Variants in CORO2B observed in about 807,000 individuals in gnomAD.
CORO2B encodes the protein coronin 2B.
CORO2B carries 26 observed loss-of-function variants against 58.8 expected under a neutral mutation model. The ratio of observed to expected loss-of-function variants is 0.44; its 90% CI spans 0.32 to 0.61. The LOEUF (loss-of-function observed/expected upper bound fraction) is 0.61, where lower values mean the gene tolerates loss of function less well. Among genes scored for constraint, CORO2B ranks in the 20% least tolerant of loss-of-function variants. The pLI is 0.04. For synonymous variants in CORO2B, 242 were observed against 253.8 expected, an observed-to-expected ratio of 0.95 and a Z score of 0.44; for missense variants, 460 against 645.1, an observed-to-expected ratio of 0.71 and a Z score of 3.11.
chr15:68,673,835 T>TAA lies in CORO2B; in HGVS notation c.217-21283_217-21282dup, dbSNP rs10579845. On this transcript the variant is annotated intron_variant, in intron 2 of 11. Coordinates refer to ENST00000261861, the MANE Select transcript of CORO2B (RefSeq NM_006091.5). ...CTGGGCAACAGAGCGAGACTCCGTC[T>TAA]AAAAAAAAAAAAAAAAAAAAAAAGG... 8.0e-4 allele frequency among the ~76,000 whole-genome samples: 74 copies of TAA among 92,694 alleles called. 1 individual carries two copies. The highest frequency in any genetic ancestry group is 3.0e-3 in the African/African-American group (73 of 24,178). 60.8% of individuals were successfully genotyped at this position (92,694 alleles called of 152,430 possible). A position where few individuals can be genotyped will look rare whatever the true frequency, so the allele number is the denominator to read the frequency against.
In CORO2B at chr15:68,656,407, G is replaced by A. The variant is rs535415760; in HGVS notation, c.216+11047G>A. ...CCTGAGTTTCCAAGTGGGTCGTCAG[G>A]TGAGCATGAGAGGTGGAAGGTATGG... is the stretch of plus-strand genomic sequence containing the variant. On this transcript the variant is annotated intron_variant, in intron 2 of 11. Transcript: ENST00000261861. 3.9e-5 allele frequency among the ~76,000 whole-genome samples: 6 copies of A among 152,080 alleles called. No individual in the cohort carries two copies. In the South Asian group the frequency reaches 1.2e-3, roughly 32 times the overall value.
At chr15:68,675,119 A>G (rs1415290922) in intron 2 of CORO2B, among the ~76,000 whole-genome samples, 3 of 152,204 alleles carry the variant, frequency 2.0e-5, no homozygotes, top group African/African-American at 7.2e-5. Flanking sequence ...TCCGTGAGCC[A>G]CACTGAAATT....
intron 3 of CORO2B, among the ~76,000 whole-genome samples, chr15:68,709,718 A>G (rs75030787): frequency 1.4e-4 from 22 of 152,032 alleles, no homozygotes; most frequent in Non-Finnish European, 1.9e-4. Flanking sequence ...CCTAAATTAT[A>G]GTCACATGTG....
chr15:68,522,597 G>A, the CORO2B span, among the ~76,000 whole-genome samples: 23 of 152,114 alleles, frequency 1.5e-4, no homozygotes, highest in African/African-American at 2.7e-4. Context: ...TTACAGGTGC[G>A]TGCCACCATG....
In CORO2B at chr15:68,710,256, C is replaced by A. The variant is rs934149314; in HGVS notation, c.334-476C>A. 6.6e-6 allele frequency among the ~76,000 whole-genome samples: 1 copy of A among 152,218 alleles called. No individual in the cohort carries two copies. The highest frequency in any genetic ancestry group is 2.4e-5 in the African/African-American group (1 of 41,450). Reference sequence around the variant, plus strand: ...GCCCCTCAGCCTCCCAGATGCAGTTCCCCCTGCCCAGGGGTCCATCCTGGG... The same window carrying A: ...GCCCCTCAGCCTCCCAGATGCAGTTACCCCTGCCCAGGGGTCCATCCTGGG... On this transcript the variant is annotated intron_variant, in intron 3 of 11. Transcript: ENST00000261861. This position sits in a 1 kb window ranked among gnomAD's most constrained non-coding sequence, Gnocchi z 4.1.
rs1899719166 is a variant in CORO2B at position 68,592,000 on chromosome 15, G to T, written c.15+12723G>T. On this transcript the variant is annotated intron_variant, in intron 1 of 11. Coordinates refer to ENST00000261861, the MANE Select transcript of CORO2B (RefSeq NM_006091.5). ...TGCCTCACCTGGTTTGAGGCTGGGT[G>T]CAGAAGTGAGCTTCTGGATGCGAGT... Among the ~76,000 whole-genome samples, 3 of 152,172 alleles carry T rather than the reference G, an allele frequency of 2.0e-5. No individual in the cohort carries two copies. In the South Asian group the frequency reaches 6.2e-4, roughly 32 times the overall value.
intron 2 of CORO2B, among the ~76,000 whole-genome samples, chr15:68,669,660 AAT>A: frequency 6.6e-6 from 1 of 152,288 alleles, no homozygotes; most frequent in South Asian, 2.1e-4. Context: ...ACTTTCTAAA[AAT>A]ATCAATCCAA....
At chr15:68,612,784 T>C (rs1900273197) in intron 1 of CORO2B, among the ~76,000 whole-genome samples, 2 of 152,224 alleles carry the variant, frequency 1.3e-5, no homozygotes, top group African/African-American at 4.8e-5. Context: ...CAGGAAGATC[T>C]TTAGGATTCC....
At chr15:68,542,035 T>C in the CORO2B span, among the ~76,000 whole-genome samples, 3 of 152,236 alleles carry the variant, frequency 2.0e-5, no homozygotes, top group Non-Finnish European at 4.4e-5. Context: ...TCACAGGGAC[T>C]GTCTCATTTG....
intron 3 of CORO2B, among the ~76,000 whole-genome samples, chr15:68,705,268 T>G (rs758173625): frequency 7.2e-5 from 11 of 151,980 alleles, no homozygotes; most frequent in Admixed American, 1.3e-4. Flanking sequence ...CGAAACCTTA[T>G]CTCTACTAAA....
rs1266395838 is a variant in CORO2B at position 68,705,656 on chromosome 15, G to A, written c.334-5076G>A. Among the ~76,000 whole-genome samples, 5 of 152,092 alleles carry A rather than the reference G, an allele frequency of 3.3e-5. No homozygotes were observed. In the East Asian group the frequency reaches 7.7e-4, roughly 23 times the overall value. ...TTCCATCTGTAGCCCTTCATTCCATGAGACTTGAATCCAGTTAAGGGGCTG... is the reference window on the plus strand; with the variant it reads ...TTCCATCTGTAGCCCTTCATTCCATAAGACTTGAATCCAGTTAAGGGGCTG... On this transcript the variant is annotated intron_variant, in intron 3 of 11. Transcript: ENST00000261861.
At chr15:68,651,932 A>G (rs572763165) in intron 2 of CORO2B, among the ~76,000 whole-genome samples, 99 of 152,302 alleles carry the variant, frequency 6.5e-4, no homozygotes, top group Admixed American at 4.8e-3. Context: ...GTCTACAACA[A>G]CTACAAACAA....
rs532789117 is a variant in CORO2B, at chr15:68,634,484, T to A, written c.16-10676T>A. Among the ~76,000 whole-genome samples, 8 of 152,300 alleles carry A rather than the reference T, an allele frequency of 5.3e-5. No individual in the cohort carries two copies. In the East Asian group the frequency reaches 1.5e-3, roughly 29 times the overall value. ...TAACTATCCTAGGAAAAATATGAAT[T>A]ATATCCATTTTTCTGATGGAGGAAC... On this transcript the variant is annotated intron_variant, in intron 1 of 11. Coordinates refer to ENST00000261861, the MANE Select transcript of CORO2B (RefSeq NM_006091.5).
intron 2 of CORO2B, among the ~76,000 whole-genome samples, chr15:68,657,506 A>T (rs1901845663): frequency 6.9e-6 from 1 of 144,360 alleles, no homozygotes; most frequent in Non-Finnish European, 1.5e-5. Flanking sequence ...TGACAAAATG[A>T]GATCCTGTCT....
chr15:68,616,686 A>G (rs1900368401), intron 1 of CORO2B: 7 of 901,726 alleles, frequency 7.8e-6, no homozygotes, highest in East Asian at 1.2e-4. Flanking sequence ...GAGATCTCCC[A>G]TGGGCGAGGG....
Position 68,719,533 on chromosome 15 carries a change from C to T in CORO2B, c.1292C>T (p.Pro431Leu). 1.2e-6 allele frequency: 2 copies of T among 1,613,878 alleles called. No homozygotes were observed. Among genetic ancestry groups the T allele is most frequent in the African/African-American group, 1.3e-5 (1 of 75,010 alleles). ...VNGIDLLENVPPRTENELLRM... is the reference protein window; with the variant it reads ...VNGIDLLENVLPRTENELLRM... ...GGAATAGATTTATTAGAAAATGTCC[C>T]ACCCAGGACAGAGAATGAGGTAAGG... Residue 431 changes from proline (P) to leucine (L), a missense_variant, in exon 11 of 12, where the codon CCA becomes CTA. By Grantham distance (98) the Pro-to-Leu change is moderately conservative. Around this residue, in one of 2 missense-constraint regions of CORO2B, gnomAD observed 108 missense variants for 102.1 expected, o/e 1.06. Transcript: ENST00000261861.
At chr15:68,524,300 T>A in the CORO2B span, among the ~76,000 whole-genome samples, 3 of 152,232 alleles carry the variant, frequency 2.0e-5, no homozygotes, top group African/African-American at 7.2e-5. Context: ...TACTTTATTG[T>A]AACCAGAAGT....
chr15:68,661,455 C>T (rs1044070643), intron 2 of CORO2B, among the ~76,000 whole-genome samples: 1 of 152,140 alleles, frequency 6.6e-6, no homozygotes, highest in Non-Finnish European at 1.5e-5. Flanking sequence ...TCAACCAATC[C>T]AGAAAAAGTG....
chr15:68,565,121 A>T, the CORO2B span, among the ~76,000 whole-genome samples: 1 of 152,184 alleles, frequency 6.6e-6, no homozygotes, highest in Non-Finnish European at 1.5e-5. Flanking sequence ...TAGATAGACA[A>T]ATATTGCTTT....
Sources: gnomAD v4.1 joint callset for allele counts (sites outside exome capture counted in the v4.1 genomes callset) on GRCh38, gnomAD v4.1.1 for gene constraint, gnomAD v4.1.1 regional missense constraint, Gnocchi (gnomAD v3.1) non-coding constraint, MANE v1.5 for transcripts, NCBI Gene and HGNC (gene_info 2026-07-23, HGNC 2026-07-21) for gene names.